The following CACNA1A variants were observed in gnomAD, a reference collection of about 807,000 sequenced individuals.
CACNA1A encodes the protein voltage-dependent P/Q-type calcium channel subunit alpha-1A.
A neutral mutation model predicts 262.4 loss-of-function variants in CACNA1A; 57 were observed. That is an observed-to-expected ratio of 0.22 (90% CI 0.18 to 0.27). The LOEUF is 0.27. Ranked by LOEUF, CACNA1A falls within the 10% of genes least tolerant of loss-of-function variation. The pLI is 1.00. For synonymous variants in CACNA1A, 1,431 were observed against 1,419.3 expected, an observed-to-expected ratio of 1.01 and a Z score of -0.18; for missense variants, 2,526 against 3,562.8, an observed-to-expected ratio of 0.71 and a Z score of 7.41.
chr19:13,360,804 C>A (rs560883888), intron 5 of CACNA1A, among the ~76,000 whole-genome samples: 1 of 152,208 alleles, frequency 6.6e-6, no homozygotes, highest in Non-Finnish European at 1.5e-5. Flanking sequence ...AAAGCTCAGA[C>A]ATCATATCAT....
intron 22 of CACNA1A, chr19:13,277,388 C>T (rs1245662510): frequency 8.9e-6 from 3 of 337,616 alleles, no homozygotes; most frequent in Non-Finnish European, 1.7e-5. Flanking sequence ...TAGGCCAGTT[C>T]GCTAACCCAC....
rs987751104 is a variant in CACNA1A at position 13,212,034 on chromosome 19, T to TG, written c.6303+68dup. The TG allele has an allele frequency of 6.0e-5, 68 of 1,129,962 alleles. No homozygotes were observed. The highest frequency in any genetic ancestry group is 9.2e-5 in the Admixed American group (5 of 54,394). 70.0% of individuals were successfully genotyped at this position (1,129,962 alleles called of 1,614,324 possible). ...GGGAGGGGATGCACTGGGCTGCTTG[T>TG]GGGGGGGCCTGGCCCTACCCAGTGC... On this transcript the variant is annotated intron_variant, in intron 43 of 46. Transcript: ENST00000360228. The surrounding 1 kb of genome is among the most constrained non-coding windows in gnomAD (Gnocchi z 5.6).
intron 3 of CACNA1A, among the ~76,000 whole-genome samples, chr19:13,404,659 C>T (rs550471741): frequency 6.6e-6 from 1 of 152,294 alleles, no homozygotes; most frequent in African/African-American, 2.4e-5. Flanking sequence ...AATAATCTGG[C>T]ATTGCTTAAA....
intron 34 of CACNA1A, among the ~76,000 whole-genome samples, chr19:13,232,895 A>G (rs1390982523): frequency 6.6e-6 from 1 of 151,086 alleles, no homozygotes; most frequent in African/African-American, 2.4e-5. Context: ...CTAAAAATAC[A>G]AAAATTAGCT....
chr19:13,276,027 C>A, intron 23 of CACNA1A, 71 bp from the exon 24 acceptor site: 1 of 986,298 alleles, frequency 1.0e-6, no homozygotes, highest in South Asian at 1.4e-5. Context: ...CACCCACTCT[C>A]TAGCCTCTCG....
intron 11 of CACNA1A, among the ~76,000 whole-genome samples, chr19:13,314,026 T>G (rs1025836910): frequency 2.0e-5 from 3 of 152,166 alleles, no homozygotes; most frequent in South Asian, 2.1e-4. Flanking sequence ...CCTTTTGTTC[T>G]TTGATGAGCA....
intron 26 of CACNA1A, 161 bp downstream of exon 26, chr19:13,261,289 C>T (rs1049627112): frequency 1.7e-5 from 10 of 604,144 alleles, no homozygotes; most frequent in Admixed American, 9.5e-5. Context: ...ATTCTAAAAC[C>T]GGTTTTCTTT....
At chr19:13,321,353 T>C (rs892586144) in intron 10 of CACNA1A, among the ~76,000 whole-genome samples, 4 of 152,104 alleles carry the variant, frequency 2.6e-5, no homozygotes, top group Admixed American at 6.6e-5. Context: ...CAATGTTCTA[T>C]GGTGGGGGAA....
At chr19:13,225,546 T>G (rs2055404635) in intron 37 of CACNA1A, 1 of 152,032 alleles carries the variant, frequency 6.6e-6, no homozygotes, top group Non-Finnish European at 1.5e-5. Context: ...TCCACCATGC[T>G]TGGTGGCATG....
intron 6 of CACNA1A, among the ~76,000 whole-genome samples, chr19:13,355,842 G>C (rs1486064109): frequency 1.3e-5 from 2 of 152,194 alleles, no homozygotes; most frequent in East Asian, 3.8e-4. Context: ...GTGCATTGTA[G>C]AATGTTGAGT....
intron 3 of CACNA1A, among the ~76,000 whole-genome samples, chr19:13,413,907 G>GAAAAGAAAAGAAAAGA (rs199642802): frequency 2.8e-4 from 23 of 83,134 alleles, no homozygotes; most frequent in Admixed American, 1.8e-3. Flanking sequence ...AAGAAAGAAA[G>GAAAAGAAAAGAAAAGA]AAAGAAAGAA....
intron 1 of CACNA1A, among the ~76,000 whole-genome samples, chr19:13,456,964 A>G (rs1388388656): frequency 6.6e-6 from 1 of 152,030 alleles, no homozygotes; most frequent in Non-Finnish European, 1.5e-5. Context: ...AAAATGGTGT[A>G]GCTGGCCAGA....
chr19:13,336,594 G>GGAGAGA (rs547329827), intron 6 of CACNA1A, among the ~76,000 whole-genome samples: 2,322 of 65,464 alleles, frequency 0.035, 100 homozygotes, highest in Middle Eastern at 0.057. Context: ...AGAGAGAGAG[G>GGAGAGA]GAGAGAGAGA....
chr19:13,461,820 G>A (rs2061129333), intron 1 of CACNA1A, among the ~76,000 whole-genome samples: 1 of 152,214 alleles, frequency 6.6e-6, no homozygotes, highest in Non-Finnish European at 1.5e-5. Context: ...GGCCAAAGCG[G>A]GGCGGGGGCT....
chr19:13,429,342 G>A (rs1055096149), intron 3 of CACNA1A, among the ~76,000 whole-genome samples: 5 of 151,546 alleles, frequency 3.3e-5, no homozygotes, highest in Admixed American at 2.6e-4. Flanking sequence ...GATGCCACAC[G>A]CTGCCTGCCT....
At chr19:13,319,844 C>G (rs924427726) in intron 10 of CACNA1A, among the ~76,000 whole-genome samples, 2 of 152,182 alleles carry the variant, frequency 1.3e-5, no homozygotes, top group Non-Finnish European at 2.9e-5. Flanking sequence ...CCAGCGTCAT[C>G]CCCATTTTAC....
chr19:13,295,479 T>TTTTC (rs535385333), intron 19 of CACNA1A, among the ~76,000 whole-genome samples: 8 of 151,148 alleles, frequency 5.3e-5, no homozygotes, highest in South Asian at 4.2e-4. Flanking sequence ...TGTTTGGGTT[T>TTTTC]TTTCTTTCTT....
At chr19:13,339,363 A>C (rs2058636059) in intron 6 of CACNA1A, among the ~76,000 whole-genome samples, 1 of 152,138 alleles carries the variant, frequency 6.6e-6, no homozygotes, top group African/African-American at 2.4e-5. Context: ...GTGGGTGCCA[A>C]GGGCTGGGGG....
chr19:13,504,830 C>G (rs566790353), intron 1 of CACNA1A, among the ~76,000 whole-genome samples: 3 of 152,288 alleles, frequency 2.0e-5, no homozygotes, highest in Non-Finnish European at 4.4e-5. Flanking sequence ...CTGCCTACAT[C>G]TCGATAGATG....
Sources: gnomAD v4.1 joint callset for allele counts (sites outside exome capture counted in the v4.1 genomes callset) on GRCh38, gnomAD v4.1.1 for gene constraint, Gnocchi (gnomAD v3.1) non-coding constraint, MANE v1.5 for transcripts, NCBI Gene and HGNC (gene_info 2026-07-23, HGNC 2026-07-21) for gene names.